FAM118B: variants seen among roughly 807,000 people sequenced by gnomAD.
FAM118B encodes the protein protein FAM118B.
Under a neutral mutation model 38.5 loss-of-function variants are expected in FAM118B, and 24 were observed. The observed-to-expected ratio is 0.62, with a 90% CI of 0.45 to 0.88. FAM118B has a LOEUF of 0.88. FAM118B is among the 40% of genes least tolerant of loss of function. FAM118B has a pLI of 0.00. For synonymous variants in FAM118B, 138 were observed against 156.3 expected, an observed-to-expected ratio of 0.88 and a Z score of 0.87; for missense variants, 334 against 420.0, an observed-to-expected ratio of 0.80 and a Z score of 1.79.
intron 4 of FAM118B, among the ~76,000 whole-genome samples, chr11:126,243,903 CAAAAAAA>C (rs34063466): frequency 9.6e-6 from 1 of 104,588 alleles, no homozygotes; most frequent in Non-Finnish European, 2.0e-5. Context: ...GACTCCGTCT[CAAAAAAA>C]AAAAAAAAAG....
At chr11:126,233,720 G>C in intron 2 of FAM118B, 1 of 456,498 alleles carries the variant, frequency 2.2e-6, no homozygotes. Context: ...ATGGACTATG[G>C]GGTGAGGATG....
At chr11:126,242,848 C>G (rs1034503887) in intron 4 of FAM118B, among the ~76,000 whole-genome samples, 42 of 152,240 alleles carry the variant, frequency 2.8e-4, no homozygotes, top group African/African-American at 9.4e-4. Context: ...TTCTATGAAC[C>G]AGCAACTGCA....
chr11:126,241,001 A>G lies in FAM118B; in HGVS notation c.296A>G (p.Asn99Ser). The G allele has an allele frequency of 6.2e-7, 1 of 1,613,524 alleles. No homozygotes were observed. Among genetic ancestry groups the G allele is most frequent in the Non-Finnish European group, 8.5e-7 (1 of 1,179,716 alleles). Residue 99 changes from asparagine (N) to serine (S), a missense_variant, in exon 4 of 9, where the codon AAC becomes AGC. This residue lies in a region of FAM118B where 240 missense variants were observed against 295.9 expected (regional missense o/e 0.81). Coordinates refer to ENST00000533050, the MANE Select transcript of FAM118B (RefSeq NM_024556.4). ...CAGAAATGTCTCCATGAAGACAAGA[A>G]CCTGGTCCATGTTGCCCATGACCTT... Reference protein sequence around the residue: ...KFQKCLHEDKNLVHVAHDLIQ... With the variant: ...KFQKCLHEDKSLVHVAHDLIQ...
chr11:126,237,872 A>C (rs569974911), intron 3 of FAM118B, among the ~76,000 whole-genome samples: 3 of 150,690 alleles, frequency 2.0e-5, no homozygotes, highest in Admixed American at 2.0e-4. Flanking sequence ...AAAAAAAAAA[A>C]AGAAAAGAAA....
At chr11:126,219,970 A>G (rs1243778056) in intron 1 of FAM118B, among the ~76,000 whole-genome samples, 2 of 151,588 alleles carry the variant, frequency 1.3e-5, no homozygotes, top group Non-Finnish European at 2.9e-5. Flanking sequence ...ATGGAGATTT[A>G]TGGTGTGAAA....
chr11:126,214,939 G>T (rs588361), intron 1 of FAM118B, among the ~76,000 whole-genome samples: 1 of 151,956 alleles, frequency 6.6e-6, no homozygotes, highest in Non-Finnish European at 1.5e-5. Flanking sequence ...GTTAAGTTAC[G>T]CCTCCTCAAA....
At chr11:126,249,072 C>T (rs1293722599) in intron 4 of FAM118B, among the ~76,000 whole-genome samples, 2 of 152,032 alleles carry the variant, frequency 1.3e-5, no homozygotes, top group Admixed American at 6.6e-5. Flanking sequence ...TTAAGTAAGC[C>T]GTATGTTAAG....
intron 1 of FAM118B, among the ~76,000 whole-genome samples, chr11:126,228,159 G>A (rs557997116): frequency 1.4e-4 from 21 of 151,790 alleles, no homozygotes; most frequent in Admixed American, 1.2e-3. Context: ...AAGTGAAAAG[G>A]GGTGAAAATG....
chr11:126,240,294 G>T (rs1261383756), intron 3 of FAM118B, among the ~76,000 whole-genome samples: 2 of 149,716 alleles, frequency 1.3e-5, no homozygotes, highest in Non-Finnish European at 3.0e-5. Flanking sequence ...TTTTGCCTGA[G>T]GTTAATGTTT....
chr11:126,257,346 C>T (rs1275450726), intron 7 of FAM118B, among the ~76,000 whole-genome samples: 3 of 152,120 alleles, frequency 2.0e-5, no homozygotes, highest in Admixed American at 6.5e-5. Flanking sequence ...TGGATGATTG[C>T]ACAATCACAC....
rs1950476073 is a variant in FAM118B at position 126,250,018 on chromosome 11, GC to G, written c.340-487del. 6.6e-6 allele frequency among the ~76,000 whole-genome samples: 1 copy of G among 151,788 alleles called. No individual in the cohort carries two copies. The highest frequency in any genetic ancestry group is 1.5e-5 in the Non-Finnish European group (1 of 68,000). On this transcript the variant is annotated intron_variant, in intron 4 of 8. Transcript: ENST00000533050. The surrounding 1 kb of genome is among the most constrained non-coding windows in gnomAD (Gnocchi z 5.1). ...GCACTTGCTATCTGCTAAGCATTGT[GC>G]TAAGCACTTGGCATGTATCATCTCA... is the stretch of plus-strand genomic sequence containing the variant.
chr11:126,242,128 C>A lies in FAM118B; in HGVS notation c.339+1084C>A, dbSNP rs1366442030. Among the ~76,000 whole-genome samples the A allele has an allele frequency of 3.3e-5, 5 of 151,558 alleles. No homozygotes were observed. The East Asian group carries it at 7.7e-4, about 23-fold the overall frequency. ...ATGGATCAAAGACCTAAATATGATA[C>A]CTAAAACTGTAAAACTCTTAGAAGA... On this transcript the variant is annotated intron_variant, in intron 4 of 8. Coordinates refer to ENST00000533050, the MANE Select transcript of FAM118B (RefSeq NM_024556.4).
intron 4 of FAM118B, among the ~76,000 whole-genome samples, chr11:126,241,949 C>T (rs1028712209): frequency 2.7e-5 from 4 of 149,902 alleles, no homozygotes; most frequent in East Asian, 2.0e-4. Context: ...GGCTTGAACC[C>T]GGGAGGTGGA....
At chr11:126,248,145 C>T (rs1950442965) in intron 4 of FAM118B, among the ~76,000 whole-genome samples, 2 of 148,810 alleles carry the variant, frequency 1.3e-5, no homozygotes, top group South Asian at 4.2e-4. Flanking sequence ...GACTCTGTCT[C>T]AAGAAAAATA....
intron 3 of FAM118B, among the ~76,000 whole-genome samples, chr11:126,237,411 T>C (rs1038332540): frequency 4.3e-5 from 5 of 117,486 alleles, no homozygotes; most frequent in Non-Finnish European, 1.1e-4. Flanking sequence ...TATTTATTTA[T>C]TTTTTAAATA....
intron 4 of FAM118B, among the ~76,000 whole-genome samples, chr11:126,242,380 A>G (rs749381351): frequency 6.6e-6 from 1 of 152,106 alleles, no homozygotes; most frequent in African/African-American, 2.4e-5. Context: ...GCTTGAGGGC[A>G]TGAGTTCAAG....
At chr11:126,241,239 C>T (rs763637932) in intron 4 of FAM118B, 195 bp downstream of exon 4, 1 of 507,602 alleles carries the variant, frequency 2.0e-6, no homozygotes, top group Non-Finnish European at 3.4e-6. Flanking sequence ...TTGTCTTAAC[C>T]CCATTTCACT....
rs1950479923 is a variant in FAM118B, at chr11:126,250,152, C to T, written c.340-354C>T. Among the ~76,000 whole-genome samples, 3 of 150,318 alleles carry T rather than the reference C, an allele frequency of 2.0e-5. No homozygotes were observed. The highest frequency in any genetic ancestry group is 4.2e-4 in the South Asian group (2 of 4,746). ...CGTCGCCCAGGCTGGAGTGCAGTGA[C>T]GCGATCTCGGCTCACTGCAAGCTCC... is the stretch of plus-strand genomic sequence containing the variant. On this transcript the variant is annotated intron_variant, in intron 4 of 8. Coordinates refer to ENST00000533050, the MANE Select transcript of FAM118B (RefSeq NM_024556.4). The surrounding 1 kb of genome is among the most constrained non-coding windows in gnomAD (Gnocchi z 5.1).
chr11:126,240,550 A>C (rs757190637), intron 3 of FAM118B, among the ~76,000 whole-genome samples: 7 of 152,144 alleles, frequency 4.6e-5, no homozygotes, highest in Non-Finnish European at 7.4e-5. Flanking sequence ...AGGAAGGGAA[A>C]ACTGATTTTA....
Sources: gnomAD v4.1 joint callset for allele counts (sites outside exome capture counted in the v4.1 genomes callset) on GRCh38, gnomAD v4.1.1 for gene constraint, gnomAD v4.1.1 regional missense constraint, Gnocchi (gnomAD v3.1) non-coding constraint, MANE v1.5 for transcripts, NCBI Gene and HGNC (gene_info 2026-07-23, HGNC 2026-07-21) for gene names.